The following ZFYVE28 variants were observed in gnomAD, a reference collection of about 807,000 sequenced individuals.
ZFYVE28 encodes lateral signaling target protein 2 homolog.
ZFYVE28 carries 40 observed loss-of-function variants against 82.1 expected under a neutral mutation model. That is an observed-to-expected ratio of 0.49 (90% CI 0.38 to 0.63). The LOEUF is 0.63. Ranked by LOEUF, ZFYVE28 falls within the 30% of genes least tolerant of loss-of-function variation. The pLI, the probability that ZFYVE28 is intolerant of heterozygous loss-of-function variation, is 0.00. For synonymous variants in ZFYVE28, 612 were observed against 546.1 expected (o/e 1.12, Z -1.68); for missense variants, 1,321 against 1,242.1 (o/e 1.06, Z -0.96).
chr4:2,289,146 G>A (rs1487363156), intron 8 of ZFYVE28, among the ~76,000 whole-genome samples: 1 of 152,208 alleles, frequency 6.6e-6, no homozygotes, highest in African/African-American at 2.4e-5. Flanking sequence ...AGCTGTGGGG[G>A]TGGCAAGTGC....
chr4:2,352,899 G>A lies in ZFYVE28; in HGVS notation c.180+1034C>T, dbSNP rs114539054. Among the ~76,000 whole-genome samples, 1,029 of 152,270 alleles carry A rather than the reference G, an allele frequency of 6.8e-3. 12 individuals are homozygous for A. The highest frequency in any genetic ancestry group is 0.023 in the African/African-American group (971 of 41,560). On this transcript the variant is annotated intron_variant, in intron 2 of 12. Transcript: ENST00000290974. ...CCCCCTTCCTCATCGGTGGGGCCAC[G>A]GGGCAGGTCTAGCACCTCTCCTCCG...
intron 2 of ZFYVE28, among the ~76,000 whole-genome samples, chr4:2,346,304 T>C (rs1373326583): frequency 6.8e-6 from 1 of 147,064 alleles, no homozygotes; most frequent in Non-Finnish European, 1.5e-5. Flanking sequence ...ATCGCGCCAC[T>C]GCACTCCAGC....
chr4:2,294,033 C>G (rs1714163529), intron 8 of ZFYVE28, among the ~76,000 whole-genome samples: 1 of 150,004 alleles, frequency 6.7e-6, no homozygotes, highest in Admixed American at 6.6e-5. Flanking sequence ...TTCCAAATTA[C>G]TACATAGATT....
chr4:2,403,991 A>G (rs2108677329), intron 1 of ZFYVE28, among the ~76,000 whole-genome samples: 1 of 143,012 alleles, frequency 7.0e-6, no homozygotes, highest in Non-Finnish European at 1.5e-5. Context: ...AAAAAAAAAA[A>G]GAATCACAAT....
intron 2 of ZFYVE28, among the ~76,000 whole-genome samples, chr4:2,346,164 T>TAAAA (rs34720466): frequency 7.9e-6 from 1 of 126,490 alleles, no homozygotes; most frequent in South Asian, 2.5e-4. Flanking sequence ...CCGTCTCTAC[T>TAAAA]AAAAAAAAAA....
At chr4:2,378,066 G>A (rs533226393) in intron 1 of ZFYVE28, among the ~76,000 whole-genome samples, 20 of 152,306 alleles carry the variant, frequency 1.3e-4, no homozygotes, top group African/African-American at 3.4e-4. Context: ...CAGGCTGGGC[G>A]CGGTGGCTCA....
At chr4:2,302,550 C>T (rs953892704) in intron 8 of ZFYVE28, among the ~76,000 whole-genome samples, 4 of 152,226 alleles carry the variant, frequency 2.6e-5, no homozygotes, top group South Asian at 2.1e-4. Flanking sequence ...ACTGCAGCCA[C>T]GTTAGAAAGT....
chr4:2,364,966 G>C, intron 1 of ZFYVE28: 1 of 933,924 alleles, frequency 1.1e-6, no homozygotes, highest in South Asian at 4.9e-5. Flanking sequence ...CCACAGAGCC[G>C]GGGTGTCCCG....
intron 1 of ZFYVE28, among the ~76,000 whole-genome samples, chr4:2,382,971 G>A (rs989451162): frequency 2.0e-5 from 3 of 152,006 alleles, no homozygotes; most frequent in Non-Finnish European, 4.4e-5. Flanking sequence ...TCACTATCAC[G>A]AGAAAAGCAT....
At chr4:2,346,238 G>GA (rs59283228) in intron 2 of ZFYVE28, among the ~76,000 whole-genome samples, 4,577 of 150,890 alleles carry the variant, frequency 0.03, 220 homozygotes, top group African/African-American at 0.099. Context: ...GCTACGTGGG[G>GA]GGCTGAGGCA....
At chr4:2,289,099 A>G (rs143331043) in intron 8 of ZFYVE28, among the ~76,000 whole-genome samples, 123 of 152,378 alleles carry the variant, frequency 8.1e-4, no homozygotes, top group East Asian at 4.0e-3. Flanking sequence ...CCTGGCCAAC[A>G]TGGCAAAACC....
At chr4:2,388,884 C>G (rs938883290) in intron 1 of ZFYVE28, among the ~76,000 whole-genome samples, 1 of 152,134 alleles carries the variant, frequency 6.6e-6, no homozygotes, top group Non-Finnish European at 1.5e-5. Flanking sequence ...AATTTCAACC[C>G]GAAATCTAGG....
At chr4:2,377,159 T>C (rs527887266) in intron 1 of ZFYVE28, among the ~76,000 whole-genome samples, 7 of 151,922 alleles carry the variant, frequency 4.6e-5, no homozygotes, top group Non-Finnish European at 8.8e-5. Context: ...GTAGCTGGGA[T>C]TACAGGCGCC....
At chr4:2,272,383 C>T (rs74827720) in intron 10 of ZFYVE28, among the ~76,000 whole-genome samples, 4,384 of 152,258 alleles carry the variant, frequency 0.029, 189 homozygotes, top group African/African-American at 0.095. Context: ...CCAGGGGTGG[C>T]GAGTAGGGGC....
rs186165249 is a variant in ZFYVE28 at position 2,375,537 on chromosome 4, G to A, written c.40-21464C>T. On this transcript the variant is annotated intron_variant, in intron 1 of 12. Coordinates refer to ENST00000290974, the MANE Select transcript of ZFYVE28 (RefSeq NM_020972.3). ...ATGCCCACTGACAAGAATGAGCAGC[G>A]GCTGAGCTCACTGCATTTGCTTGTG... Among the ~76,000 whole-genome samples, 389 of 152,318 alleles carry A rather than the reference G, an allele frequency of 2.6e-3. 3 individuals carry two copies. The highest frequency in any genetic ancestry group is 7.9e-3 in the African/African-American group (330 of 41,580).
At position 2,372,421 on chromosome 4, in the gene ZFYVE28, GT is replaced by G. The variant is rs1235057206; in HGVS notation, c.40-18349del. On this transcript the variant is annotated intron_variant, in intron 1 of 12. Coordinates refer to ENST00000290974, the MANE Select transcript of ZFYVE28 (RefSeq NM_020972.3). This position sits in a 1 kb window ranked among gnomAD's most constrained non-coding sequence, Gnocchi z 5.2. The stretch of plus-strand genomic sequence containing the variant: ...TTCTAGTCCTCAGCATGCCCAGCAG[GT>G]TCCAGTGCTGGGTCTTTGGCCTCAA... 5.3e-5 allele frequency among the ~76,000 whole-genome samples: 8 copies of G among 151,848 alleles called. No homozygotes were observed. The highest frequency in any genetic ancestry group is 2.9e-5 in the Non-Finnish European group (2 of 67,970).
chr4:2,364,130 G>A (rs1446704026), intron 1 of ZFYVE28, among the ~76,000 whole-genome samples: 1 of 152,214 alleles, frequency 6.6e-6, no homozygotes, highest in African/African-American at 2.4e-5. Context: ...CAGGCTCACT[G>A]TGGCCTTCTG....
rs184862237 is a variant in ZFYVE28, at chr4:2,372,983, C to T, written c.40-18910G>A. Among the ~76,000 whole-genome samples, 10 of 152,226 alleles carry T rather than the reference C, an allele frequency of 6.6e-5. No individual in the cohort carries two copies. Among genetic ancestry groups the T allele is most frequent in the African/African-American group, 1.9e-4 (8 of 41,526 alleles). On this transcript the variant is annotated intron_variant, in intron 1 of 12. Transcript: ENST00000290974. This position sits in a 1 kb window ranked among gnomAD's most constrained non-coding sequence, Gnocchi z 5.2. ...ACCACCACGTCTCTGGGCAGACACT[C>T]GGGGTACCCTTACCCTATGCCTGAG...
intron 1 of ZFYVE28, among the ~76,000 whole-genome samples, chr4:2,359,799 A>T (rs1459603428): frequency 6.6e-6 from 1 of 152,178 alleles, no homozygotes; most frequent in Non-Finnish European, 1.5e-5. Flanking sequence ...GCCATGCAGG[A>T]GGGCCTGGGA....
Sources: allele counts gnomAD v4.1 joint callset (sites outside exome capture counted in the v4.1 genomes callset), GRCh38; gene constraint gnomAD v4.1.1; non-coding constraint Gnocchi (gnomAD v3.1); transcripts MANE v1.5; gene names NCBI Gene and HGNC (gene_info 2026-07-23, HGNC 2026-07-21).